DYSF: variants seen among roughly 807,000 people sequenced by gnomAD.
The protein encoded by DYSF is dystrophy-associated fer-1-like 1.
Under a neutral mutation model 274.9 loss-of-function variants are expected in DYSF, and 212 were observed. The observed-to-expected ratio is 0.77, with a 90% CI of 0.69 to 0.86. The LOEUF (loss-of-function observed/expected upper bound fraction) is 0.86. Ranked by LOEUF, DYSF falls within the 40% of genes least tolerant of loss-of-function variation. The probability of loss-of-function intolerance (pLI) is 0.00; values close to 1 mark genes in which losing one functional copy is unlikely to be tolerated. For synonymous variants in DYSF, 1,091 were observed against 1,078.7 expected (o/e 1.01, Z -0.22); for missense variants, 2,666 against 2,783.2 (o/e 0.96, Z 0.95).
intron 4 of DYSF, among the ~76,000 whole-genome samples, chr2:71,505,678 C>T (rs2085407497): frequency 6.6e-6 from 1 of 152,224 alleles, no homozygotes; most frequent in African/African-American, 2.4e-5. Flanking sequence ...AAACACTCCC[C>T]CAGTCCTGGA....
At chr2:71,617,893 A>AGGTGTGTGTGTGGTAGG (rs1366886969) in intron 40 of DYSF, among the ~76,000 whole-genome samples, 1 of 46,268 alleles carries the variant, frequency 2.2e-5, no homozygotes, top group Non-Finnish European at 4.5e-5. Flanking sequence ...TGTGTGGTAG[A>AGGTGTGTGTGTGGTAGG]GGTGTGTTTG....
intron 12 of DYSF, among the ~76,000 whole-genome samples, chr2:71,522,327 C>T (rs184086379): frequency 6.6e-5 from 10 of 152,188 alleles, no homozygotes; most frequent in Non-Finnish European, 1.5e-4. Context: ...GTAGGAATCC[C>T]ACCACCTCCC....
chr2:71,454,251 CAG>C (rs200245304), intron 1 of DYSF, among the ~76,000 whole-genome samples: 1,849 of 152,296 alleles, frequency 0.012, 36 homozygotes, highest in African/African-American at 0.04. Flanking sequence ...GAGGGCGACT[CAG>C]AGGGAAACTG....
intron 23 of DYSF, 151 bp from the exon 24 acceptor site, chr2:71,563,906 TG>T (rs1559167030): frequency 6.3e-6 from 7 of 1,118,518 alleles, no homozygotes; most frequent in Admixed American, 2.0e-5. Flanking sequence ...CTGGGAGGTC[TG>T]GGGGAAGGCC....
chr2:71,513,276 T>TCAGTGA lies in DYSF; in HGVS notation c.501_506dup (p.Asp168_Ser169dup). On this transcript the variant is annotated inframe_insertion, in exon 6 of 56. Coordinates refer to ENST00000410020, the MANE Select transcript of DYSF (RefSeq NM_001130987.2). ...AGCCGGGCCGAGACTTGGTCCCTGC[T>TCAGTGA]CAGTGACAGCACCATGGACACGAGA... 1 of 1,551,530 alleles carries TCAGTGA rather than the reference T, an allele frequency of 6.4e-7. No individual in the cohort carries two copies. Among genetic ancestry groups the TCAGTGA allele is most frequent in the Non-Finnish European group, 8.7e-7 (1 of 1,146,952 alleles).
intron 1 of DYSF, among the ~76,000 whole-genome samples, chr2:71,467,444 C>T (rs2081613350): frequency 6.6e-6 from 1 of 152,274 alleles, no homozygotes; most frequent in East Asian, 1.9e-4. Flanking sequence ...ATGGAAATGG[C>T]CTTGACACAA....
chr2:71,498,760 A>G (rs1176196531), intron 3 of DYSF, among the ~76,000 whole-genome samples: 1 of 152,256 alleles, frequency 6.6e-6, no homozygotes, highest in African/African-American at 2.4e-5. Flanking sequence ...CCAGGAATGA[A>G]TAAGGGCATT....
At chr2:71,583,527 G>C (rs1008395027) in intron 30 of DYSF, among the ~76,000 whole-genome samples, 2 of 152,168 alleles carry the variant, frequency 1.3e-5, no homozygotes, top group Non-Finnish European at 2.9e-5. Flanking sequence ...TCAGCCCCAG[G>C]AAGCCTCACT....
intron 41 of DYSF, among the ~76,000 whole-genome samples, chr2:71,624,828 T>C (rs2094178125): frequency 6.6e-6 from 1 of 152,172 alleles, no homozygotes; most frequent in East Asian, 1.9e-4. Flanking sequence ...TGCAACTGTC[T>C]TGTATGCATT....
intron 40 of DYSF, among the ~76,000 whole-genome samples, chr2:71,617,988 T>TG (rs1291857109): frequency 2.9e-4 from 30 of 102,222 alleles, no homozygotes; most frequent in Admixed American, 4.5e-4. Context: ...GTGGTAGAGG[T>TG]GAGGTATATG....
chr2:71,464,461 C>T (rs991413778), upstream of DYSF, among the ~76,000 whole-genome samples: 7 of 152,130 alleles, frequency 4.6e-5, no homozygotes, highest in Admixed American at 1.3e-4. Context: ...GTTGTGTGGC[C>T]GGGTTGGTCT....
intron 40 of DYSF, among the ~76,000 whole-genome samples, chr2:71,614,647 CCA>C (rs1344260448): frequency 2.6e-5 from 4 of 152,142 alleles, no homozygotes; most frequent in Non-Finnish European, 5.9e-5. Context: ...AGCATATTCC[CCA>C]GGCTAAGCTC....
chr2:71,610,815 GAGAACC>G (rs1489884211), intron 36 of DYSF: 3 of 299,174 alleles, frequency 1.0e-5, no homozygotes, highest in African/African-American at 6.5e-5. Flanking sequence ...CAGGAGGCAG[GAGAACC>G]AGGCTGGCGG....
chr2:71,634,839 A>G (rs1340548709), intron 41 of DYSF, among the ~76,000 whole-genome samples: 1 of 152,106 alleles, frequency 6.6e-6, no homozygotes, highest in Non-Finnish European at 1.5e-5. Flanking sequence ...AGACCCACTG[A>G]TTTCTGGGCA....
intron 3 of DYSF, among the ~76,000 whole-genome samples, chr2:71,485,283 T>A (rs191950098): frequency 1.3e-5 from 2 of 152,274 alleles, no homozygotes; most frequent in South Asian, 2.1e-4. Context: ...TGGCTGGGCA[T>A]TGTGGCTCAT....
intron 13 of DYSF, among the ~76,000 whole-genome samples, chr2:71,527,781 C>T (rs1559083189): frequency 6.6e-6 from 1 of 152,040 alleles, no homozygotes; most frequent in Non-Finnish European, 1.5e-5. Context: ...ATCTATCTAT[C>T]TGTATCTACA....
intron 4 of DYSF, among the ~76,000 whole-genome samples, chr2:71,511,512 T>C (rs188381780): frequency 6.6e-6 from 1 of 152,338 alleles, no homozygotes; most frequent in Admixed American, 6.5e-5. Context: ...AAGGTGCTAT[T>C]GCTATGACTA....
intron 17 of DYSF, among the ~76,000 whole-genome samples, chr2:71,542,527 G>A (rs894012364): frequency 3.3e-5 from 5 of 152,092 alleles, no homozygotes; most frequent in Admixed American, 6.5e-5. Flanking sequence ...GGGGCCTTCC[G>A]CAGTGTTTGT....
chr2:71,542,973 C>T (rs996135301), intron 17 of DYSF, among the ~76,000 whole-genome samples: 5 of 151,384 alleles, frequency 3.3e-5, no homozygotes, highest in East Asian at 3.9e-4. Context: ...CCCTACCTCC[C>T]GGACGGGGCA....
Sources: allele counts gnomAD v4.1 joint callset (sites outside exome capture counted in the v4.1 genomes callset), GRCh38; gene constraint gnomAD v4.1.1; transcripts MANE v1.5; gene names NCBI Gene and HGNC (gene_info 2026-07-23, HGNC 2026-07-21).